Variants in SLC24A3 observed in about 807,000 individuals in gnomAD.
SLC24A3 encodes the protein sodium/potassium/calcium exchanger 3.
SLC24A3 carries 28 observed loss-of-function variants against 75.8 expected under a neutral mutation model. The ratio of observed to expected loss-of-function variants is 0.37; its 90% CI spans 0.27 to 0.51. SLC24A3 has a LOEUF of 0.51. SLC24A3 is among the 20% of genes least tolerant of loss of function. The probability of loss-of-function intolerance (pLI) is 0.94; values close to 1 mark genes in which losing one functional copy is unlikely to be tolerated. For synonymous variants in SLC24A3, 372 were observed against 334.1 expected (o/e 1.11, Z -1.24); for missense variants, 663 against 847.8 (o/e 0.78, Z 2.71).
intron 2 of SLC24A3, among the ~76,000 whole-genome samples, chr20:19,493,691 T>C (rs542539666): frequency 5.3e-4 from 81 of 152,184 alleles, no homozygotes; most frequent in African/African-American, 1.8e-3. Context: ...ATGGGATCAC[T>C]GGAGCTGGAG....
chr20:19,485,804 T>C (rs1445009754), intron 2 of SLC24A3, among the ~76,000 whole-genome samples: 1 of 152,092 alleles, frequency 6.6e-6, no homozygotes, highest in Admixed American at 6.6e-5. Context: ...ATTGCTAGAA[T>C]CTCAACAGAA....
intron 6 of SLC24A3, among the ~76,000 whole-genome samples, chr20:19,612,126 C>A (rs1447939986): frequency 1.3e-5 from 2 of 152,180 alleles, no homozygotes; most frequent in Non-Finnish European, 2.9e-5. Context: ...TCAAATATGT[C>A]CAGACCTGCT....
chr20:19,255,813 C>T (rs146219631), intron 1 of SLC24A3, among the ~76,000 whole-genome samples: 32 of 152,248 alleles, frequency 2.1e-4, no homozygotes, highest in African/African-American at 7.2e-4. Context: ...AACTTTTTAT[C>T]GGTCAAGTGC....
At chr20:19,259,608 C>T (rs777071467) in intron 1 of SLC24A3, among the ~76,000 whole-genome samples, 49 of 152,262 alleles carry the variant, frequency 3.2e-4, no homozygotes, top group Admixed American at 1.4e-3. Flanking sequence ...CGAGCTTGAC[C>T]GCAGCCCTTG....
chr20:19,263,483 G>A (rs1983061519), intron 1 of SLC24A3, among the ~76,000 whole-genome samples: 2 of 152,212 alleles, frequency 1.3e-5, no homozygotes, highest in Admixed American at 1.3e-4. Flanking sequence ...TAGAAATATA[G>A]GGGTTCACTA....
intron 2 of SLC24A3, among the ~76,000 whole-genome samples, chr20:19,399,118 T>A (rs986498607): frequency 9.2e-5 from 14 of 152,254 alleles, no homozygotes; most frequent in African/African-American, 3.4e-4. Context: ...ATATATAGAA[T>A]CTGTGTTGAT....
rs373239866 is a variant in SLC24A3, at chr20:19,237,269, G to A, written c.142+24285G>A. Among the ~76,000 whole-genome samples, 312 of 152,184 alleles carry A rather than the reference G, an allele frequency of 2.1e-3. 9 individuals are homozygous for A. The South Asian group carries it at 0.058, about 28-fold the overall frequency. On this transcript the variant is annotated intron_variant, in intron 1 of 16. Coordinates refer to ENST00000328041, the MANE Select transcript of SLC24A3 (RefSeq NM_020689.4). ...ACCTGGTGCTCCTGGGCCTGCAGGC[G>A]GGGGTCAGTGTCTGGTGTGGATGGC...
chr20:19,525,841 G>A lies in SLC24A3; in HGVS notation c.348+10277G>A, dbSNP rs534726959. The stretch of plus-strand genomic sequence containing the variant: ...CTCCCAGCCTGCAGACTCCCCGTGA[G>A]TCTTCTTCCCAGCCCCTCATTCCAC... On this transcript the variant is annotated intron_variant, in intron 3 of 16. Coordinates refer to ENST00000328041, the MANE Select transcript of SLC24A3 (RefSeq NM_020689.4). 5.9e-5 allele frequency among the ~76,000 whole-genome samples: 9 copies of A among 152,300 alleles called. No individual in the cohort carries two copies. In the East Asian group the frequency reaches 1.7e-3, roughly 29 times the overall value.
At chr20:19,225,939 A>G (rs866924283) in intron 1 of SLC24A3, among the ~76,000 whole-genome samples, 1 of 152,170 alleles carries the variant, frequency 6.6e-6, no homozygotes, top group African/African-American at 2.4e-5. Context: ...GACTTATTAC[A>G]GTGGCTAAGA....
At chr20:19,513,889 T>A (rs546445783) in intron 2 of SLC24A3, among the ~76,000 whole-genome samples, 5 of 152,292 alleles carry the variant, frequency 3.3e-5, no homozygotes, top group African/African-American at 1.2e-4. Context: ...TACATAGTTA[T>A]CATTTATGTG....
intron 2 of SLC24A3, among the ~76,000 whole-genome samples, chr20:19,337,881 C>T: frequency 6.6e-6 from 1 of 152,144 alleles, no homozygotes; most frequent in East Asian, 1.9e-4. Flanking sequence ...ACTTGCCTCT[C>T]ATCACTCAGT....
intron 6 of SLC24A3, among the ~76,000 whole-genome samples, chr20:19,622,774 T>C (rs1307229285): frequency 6.6e-6 from 1 of 152,244 alleles, no homozygotes; most frequent in Non-Finnish European, 1.5e-5. Flanking sequence ...AGTAAGTTTA[T>C]TTGGCTGTCA....
At chr20:19,387,987 A>G (rs962393891) in intron 2 of SLC24A3, among the ~76,000 whole-genome samples, 1 of 152,150 alleles carries the variant, frequency 6.6e-6, no homozygotes, top group Non-Finnish European at 1.5e-5. Context: ...AGTGGTATAT[A>G]TATCTATGGG....
intron 2 of SLC24A3, among the ~76,000 whole-genome samples, chr20:19,486,167 GGA>G (rs1988124357): frequency 6.6e-6 from 1 of 152,160 alleles, no homozygotes; most frequent in Non-Finnish European, 1.5e-5. Flanking sequence ...ACCCAGGGAA[GGA>G]GAGTCTCCCT....
intron 15 of SLC24A3, among the ~76,000 whole-genome samples, chr20:19,714,297 TG>T (rs1424780408): frequency 6.6e-6 from 1 of 150,764 alleles, no homozygotes; most frequent in African/African-American, 2.4e-5. Context: ...CCCAGCTACT[TG>T]GGAGGCTAAG....
intron 2 of SLC24A3, among the ~76,000 whole-genome samples, chr20:19,314,328 TTTTG>T (rs1984531050): frequency 6.7e-6 from 1 of 148,528 alleles, no homozygotes; most frequent in African/African-American, 2.5e-5. Flanking sequence ...TTTATTTTAT[TTTTG>T]AGACAGGGTC....
chr20:19,593,921 G>GAGT (rs1457938467), intron 6 of SLC24A3, among the ~76,000 whole-genome samples: 1 of 152,132 alleles, frequency 6.6e-6, no homozygotes, highest in Non-Finnish European at 1.5e-5. Flanking sequence ...TTCTCCTGCT[G>GAGT]GACCCCGGCC....
chr20:19,449,423 A>T (rs1305925116), intron 2 of SLC24A3, among the ~76,000 whole-genome samples: 1 of 152,224 alleles, frequency 6.6e-6, no homozygotes, highest in Non-Finnish European at 1.5e-5. Context: ...GGGGCCGAAG[A>T]CACACATTTC....
At chr20:19,507,467 T>A (rs1307381457) in intron 2 of SLC24A3, among the ~76,000 whole-genome samples, 3 of 152,184 alleles carry the variant, frequency 2.0e-5, no homozygotes, top group African/African-American at 7.2e-5. Flanking sequence ...ACAAAATGCA[T>A]GTATTGGGGT....
Sources: allele counts gnomAD v4.1 joint callset (sites outside exome capture counted in the v4.1 genomes callset), GRCh38; gene constraint gnomAD v4.1.1; transcripts MANE v1.5; gene names NCBI Gene and HGNC (gene_info 2026-07-23, HGNC 2026-07-21).